The following RBFOX1 variants were observed in gnomAD, a reference collection of about 807,000 sequenced individuals.
RBFOX1 encodes the protein RNA binding fox-1 homolog 1.
In RBFOX1, 8 loss-of-function variants were observed where a neutral mutation model predicts 57.7. The ratio of observed to expected loss-of-function variants is 0.14; its 90% confidence interval spans 0.08 to 0.25. RBFOX1 has a LOEUF of 0.25. Among genes scored for constraint, RBFOX1 ranks in the 10% least tolerant of loss-of-function variants. The pLI is 1.00. For synonymous variants in RBFOX1, 326 were observed against 222.4 expected (o/e 1.47, Z -4.15); for missense variants, 611 against 548.5 (o/e 1.11, Z -1.14).
At chr16:6,274,849 C>T (rs1191508959) in intron 1 of RBFOX1, among the ~76,000 whole-genome samples, 5 of 152,152 alleles carry the variant, frequency 3.3e-5, no homozygotes, top group African/African-American at 2.4e-5. Context: ...TTGAACTTTC[C>T]TACATAGGCT....
intron 1 of RBFOX1, among the ~76,000 whole-genome samples, chr16:5,276,678 G>T (rs2063149887): frequency 6.6e-6 from 1 of 152,168 alleles, no homozygotes; most frequent in African/African-American, 2.4e-5. Flanking sequence ...AGCTACTCAG[G>T]CGGCTGAGAC....
At chr16:7,265,130 T>G (rs1025773363) in intron 4 of RBFOX1, among the ~76,000 whole-genome samples, 3 of 152,258 alleles carry the variant, frequency 2.0e-5, no homozygotes, top group Admixed American at 1.3e-4. Flanking sequence ...TAGACTCTGT[T>G]CTGCGCACTA....
chr16:6,656,693 A>G (rs2098655604), intron 3 of RBFOX1, among the ~76,000 whole-genome samples: 1 of 151,778 alleles, frequency 6.6e-6, no homozygotes, highest in East Asian at 1.9e-4. Context: ...CTTGTTTCTG[A>G]TGAGTTTTCC....
intron 2 of RBFOX1, among the ~76,000 whole-genome samples, chr16:5,501,946 C>G (rs1269839366): frequency 1.3e-5 from 2 of 152,022 alleles, no homozygotes; most frequent in Non-Finnish European, 2.9e-5. Context: ...TGGTCTCGAA[C>G]TCCTGGCCTC....
At chr16:5,656,511 A>T (rs767144286) in intron 3 of RBFOX1, among the ~76,000 whole-genome samples, 1 of 152,208 alleles carries the variant, frequency 6.6e-6, no homozygotes, top group Non-Finnish European at 1.5e-5. Context: ...AAGTTTGGTG[A>T]TAAGAATACA....
intron 14 of RBFOX1, among the ~76,000 whole-genome samples, chr16:7,684,491 C>T (rs114170688): frequency 4.0e-5 from 6 of 151,856 alleles, no homozygotes; most frequent in Admixed American, 3.3e-4. Context: ...GAAACATAAT[C>T]AAAGCCAAAT....
intron 4 of RBFOX1, among the ~76,000 whole-genome samples, chr16:7,094,769 T>TGTGGGTGTGTGG (rs1555466444): frequency 2.2e-5 from 3 of 138,890 alleles, no homozygotes; most frequent in African/African-American, 7.7e-5. Flanking sequence ...TGTGTGTGTG[T>TGTGGGTGTGTGG]GTGTGTGGGT....
intron 2 of RBFOX1, among the ~76,000 whole-genome samples, chr16:6,462,500 C>T (rs1190474404): frequency 1.3e-5 from 2 of 152,132 alleles, no homozygotes. Context: ...GCCATCCTTC[C>T]ACTGATGTTC....
intron 3 of RBFOX1, among the ~76,000 whole-genome samples, chr16:6,919,531 A>G (rs2073993440): frequency 6.6e-6 from 1 of 152,054 alleles, no homozygotes; most frequent in Non-Finnish European, 1.5e-5. Flanking sequence ...ATCCCAAGAG[A>G]GATCCAGAAC....
At chr16:5,419,884 C>T (rs938596979) in intron 1 of RBFOX1, among the ~76,000 whole-genome samples, 34 of 152,016 alleles carry the variant, frequency 2.2e-4, no homozygotes, top group African/African-American at 8.0e-4. Flanking sequence ...TGGGTGATAG[C>T]ACCAAGAAGA....
At chr16:6,076,444 G>A (rs890891542) in intron 1 of RBFOX1, among the ~76,000 whole-genome samples, 1 of 152,014 alleles carries the variant, frequency 6.6e-6, no homozygotes, top group Non-Finnish European at 1.5e-5. Flanking sequence ...TGCAGTGTTT[G>A]CCTGAGCTTT....
intron 4 of RBFOX1, among the ~76,000 whole-genome samples, chr16:7,373,859 C>G (rs1596757096): frequency 6.6e-6 from 1 of 152,190 alleles, no homozygotes; most frequent in Non-Finnish European, 1.5e-5. Context: ...TGCTCAGCTT[C>G]TCGTGAGAGA....
chr16:6,458,302 G>T (rs2153058519), intron 2 of RBFOX1, among the ~76,000 whole-genome samples: 1 of 142,282 alleles, frequency 7.0e-6, no homozygotes, highest in South Asian at 2.3e-4. Flanking sequence ...GGGACTACCT[G>T]TGTTCTCAGT....
intron 4 of RBFOX1, among the ~76,000 whole-genome samples, chr16:7,315,569 G>A (rs920819937): frequency 2.6e-5 from 4 of 151,336 alleles, no homozygotes; most frequent in Admixed American, 6.6e-5. Context: ...CAGTATGCTT[G>A]TCAGTAATGA....
intron 4 of RBFOX1, among the ~76,000 whole-genome samples, chr16:7,143,037 T>C (rs930158898): frequency 3.3e-5 from 5 of 152,102 alleles, no homozygotes; most frequent in Non-Finnish European, 5.9e-5. Context: ...AATTTGTCAT[T>C]AATACTATTG....
intron 3 of RBFOX1, among the ~76,000 whole-genome samples, chr16:6,867,092 G>C (rs1026451728): frequency 6.6e-6 from 1 of 151,818 alleles, no homozygotes; most frequent in Non-Finnish European, 1.5e-5. Context: ...TAACCAGCAA[G>C]AACACTTCCA....
intron 3 of RBFOX1, among the ~76,000 whole-genome samples, chr16:5,741,215 G>A (rs565619878): frequency 6.0e-4 from 92 of 152,192 alleles, no homozygotes; most frequent in Non-Finnish European, 1.1e-3. Flanking sequence ...CTGTCCTTGG[G>A]GCTGCCACGT....
intron 4 of RBFOX1, among the ~76,000 whole-genome samples, chr16:7,389,811 G>C (rs2097960116): frequency 6.6e-6 from 1 of 152,054 alleles, no homozygotes; most frequent in Admixed American, 6.6e-5. Context: ...GTATGCTTAA[G>C]GCTTGATATG....
intron 2 of RBFOX1, among the ~76,000 whole-genome samples, chr16:5,576,520 G>A (rs1165316899): frequency 6.6e-6 from 1 of 152,190 alleles, no homozygotes; most frequent in Non-Finnish European, 1.5e-5. Flanking sequence ...ACTGGAAAGT[G>A]ATAATTTCCC....
Sources: gnomAD v4.1 joint callset for allele counts (sites outside exome capture counted in the v4.1 genomes callset) on GRCh38, gnomAD v4.1.1 for gene constraint, MANE v1.5 for transcripts, NCBI Gene and HGNC (gene_info 2026-07-23, HGNC 2026-07-21) for gene names.